Variants in ZNF567 observed in about 807,000 individuals in gnomAD.
The protein encoded by ZNF567 is zinc finger protein 567.
ZNF567 carries 36 observed loss-of-function variants against 53.9 expected under a neutral mutation model. The observed-to-expected ratio is 0.67, with a 90% CI of 0.51 to 0.88. The LOEUF (loss-of-function observed/expected upper bound fraction) is 0.88, where lower values mean the gene tolerates loss of function less well. ZNF567 is among the 40% of genes least tolerant of loss of function. The probability of loss-of-function intolerance (pLI) is 0.00; values close to 1 mark genes in which losing one functional copy is unlikely to be tolerated. For synonymous variants in ZNF567, 224 were observed against 260.4 expected (o/e 0.86, Z 1.35); for missense variants, 619 against 764.7 (o/e 0.81, Z 2.25).
Position 36,712,548 on chromosome 19 carries a change from C to T in ZNF567, c.136+36C>T, listed in dbSNP as rs563634910. On this transcript the variant is annotated intron_variant, in intron 4 of 5. Transcript: ENST00000682579. ...TCCTCTTTGAAACTTTAGTAGCATG[C>T]ACTTCCTCTCAAAGTGCCTAATTGT... 17 of 1,613,114 alleles carry T rather than the reference C, an allele frequency of 1.1e-5. No individual in the cohort carries two copies. The South Asian group carries it at 1.4e-4, about 14-fold the overall frequency.
chr19:36,667,521 T>G, the ZNF567 span, among the ~76,000 whole-genome samples: 1 of 151,858 alleles, frequency 6.6e-6, no homozygotes, highest in African/African-American at 2.4e-5. Context: ...CAAAACTGTA[T>G]GTCATATATT....
At chr19:36,679,977 TTA>T in the ZNF567 span, among the ~76,000 whole-genome samples, 20 of 152,298 alleles carry the variant, frequency 1.3e-4, no homozygotes, top group Non-Finnish European at 2.1e-4. Context: ...AGATAGGATT[TTA>T]TATGTTCTTA....
downstream of ZNF567, among the ~76,000 whole-genome samples, chr19:36,721,984 C>G (rs1005759348): frequency 3.9e-5 from 6 of 151,990 alleles, no homozygotes; most frequent in Non-Finnish European, 7.4e-5. Flanking sequence ...ACTTCATGAT[C>G]CGCCTGCCTC....
At chr19:36,672,398 G>GTAAA in the ZNF567 span, among the ~76,000 whole-genome samples, 1 of 152,138 alleles carries the variant, frequency 6.6e-6, no homozygotes, top group Non-Finnish European at 1.5e-5. Flanking sequence ...CTTACCAAAG[G>GTAAA]GTAACCTTAG....
At chr19:36,680,316 T>C in the ZNF567 span, among the ~76,000 whole-genome samples, 1 of 152,230 alleles carries the variant, frequency 6.6e-6, no homozygotes, top group Non-Finnish European at 1.5e-5. Context: ...ACATTGTTGC[T>C]GTTCTGAGAC....
the ZNF567 span, among the ~76,000 whole-genome samples, chr19:36,676,634 G>A: frequency 6.6e-6 from 1 of 152,108 alleles, no homozygotes; most frequent in East Asian, 1.9e-4. Flanking sequence ...TCACTTCGAG[G>A]GATAACCATC....
At chr19:36,695,257 G>A (rs1034428948) in intron 3 of ZNF567, among the ~76,000 whole-genome samples, 3 of 151,220 alleles carry the variant, frequency 2.0e-5, no homozygotes, top group East Asian at 3.9e-4. Context: ...GGCCAGGCGC[G>A]GTGGCTCACG....
chr19:36,726,633 C>G (rs2040335844), downstream of ZNF567, among the ~76,000 whole-genome samples: 1 of 152,216 alleles, frequency 6.6e-6, no homozygotes, highest in Non-Finnish European at 1.5e-5. Flanking sequence ...TCCATATACA[C>G]CACAGAGGCA....
At chr19:36,676,856 T>C in the ZNF567 span, among the ~76,000 whole-genome samples, 2 of 151,878 alleles carry the variant, frequency 1.3e-5, no homozygotes, top group Admixed American at 1.3e-4. Context: ...CATCTCTATT[T>C]ATAAAAGTAA....
chr19:36,714,664 G>A (rs1013283677), intron 5 of ZNF567, among the ~76,000 whole-genome samples: 2 of 152,126 alleles, frequency 1.3e-5, no homozygotes, highest in African/African-American at 4.8e-5. Context: ...GGTTGATAAA[G>A]TCAAAGTTGC....
At chr19:36,714,540 T>C in intron 5 of ZNF567, 1 of 398,160 alleles carries the variant, frequency 2.5e-6, no homozygotes, top group Non-Finnish European at 4.4e-6. Context: ...GTCCTCTCCT[T>C]ACTTACTTAA....
intron 3 of ZNF567, among the ~76,000 whole-genome samples, chr19:36,695,711 T>C (rs3108183): frequency 0.012 from 1,675 of 144,122 alleles, 40 homozygotes; most frequent in African/African-American, 0.04. Flanking sequence ...AAAAAAAAAA[T>C]AGTGGATATA....
At chr19:36,718,546 G>A (rs1426228245) in intron 5 of ZNF567, among the ~76,000 whole-genome samples, 1 of 152,112 alleles carries the variant, frequency 6.6e-6, no homozygotes, top group Non-Finnish European at 1.5e-5. Flanking sequence ...TCCTCCAGAA[G>A]TAATCTTTCC....
intron 3 of ZNF567, among the ~76,000 whole-genome samples, chr19:36,709,045 T>G (rs958519734): frequency 6.6e-6 from 1 of 152,224 alleles, no homozygotes; most frequent in African/African-American, 2.4e-5. Flanking sequence ...CTTTTACTTT[T>G]TTGTTTGCCA....
chr19:36,671,590 C>T, the ZNF567 span, among the ~76,000 whole-genome samples: 11 of 152,186 alleles, frequency 7.2e-5, no homozygotes, highest in African/African-American at 2.7e-4. Flanking sequence ...AATGGTGCCT[C>T]AAGTGTCAGT....
the ZNF567 span, among the ~76,000 whole-genome samples, chr19:36,675,504 C>T: frequency 6.6e-6 from 1 of 152,042 alleles, no homozygotes; most frequent in Admixed American, 6.6e-5. Flanking sequence ...GAAACCCTGT[C>T]TCTACTAAAA....
chr19:36,703,366 C>T (rs1165949853), intron 3 of ZNF567, among the ~76,000 whole-genome samples: 1 of 152,024 alleles, frequency 6.6e-6, no homozygotes, highest in Non-Finnish European at 1.5e-5. Flanking sequence ...TTAGGCTGCT[C>T]GGGGGTCAGG....
intron 3 of ZNF567, among the ~76,000 whole-genome samples, chr19:36,697,245 C>A (rs982595015): frequency 6.6e-6 from 1 of 152,044 alleles, no homozygotes; most frequent in Admixed American, 6.6e-5. Context: ...TTTAATGCTG[C>A]TGTAAATGGT....
chr19:36,680,299 G>A, the ZNF567 span, among the ~76,000 whole-genome samples: 5 of 152,130 alleles, frequency 3.3e-5, no homozygotes, highest in South Asian at 8.3e-4. Flanking sequence ...AAACAGAATC[G>A]TCTAGAACAT....
Sources: allele counts gnomAD v4.1 joint callset (sites outside exome capture counted in the v4.1 genomes callset), GRCh38; gene constraint gnomAD v4.1.1; transcripts MANE v1.5; gene names NCBI Gene and HGNC (gene_info 2026-07-23, HGNC 2026-07-21).